The following DLG2 variants were observed in gnomAD, a reference collection of about 807,000 sequenced individuals.
DLG2 encodes the protein discs large MAGUK scaffold protein 2.
Under a neutral mutation model 132.5 loss-of-function variants are expected in DLG2, and 45 were observed. That is an observed-to-expected ratio of 0.34 (90% CI 0.27 to 0.44). DLG2 has a LOEUF of 0.44. Ranked by LOEUF, DLG2 falls within the 20% of genes least tolerant of loss-of-function variation. The pLI, the probability that DLG2 is intolerant of heterozygous loss-of-function variation, is 1.00. For missense variants in DLG2, 1,045 were observed against 1,196.9 expected, an observed-to-expected ratio of 0.87 and a Z score of 1.87; for synonymous variants, 424 against 419.6, an observed-to-expected ratio of 1.01 and a Z score of -0.13.
At chr11:84,696,787 G>C (rs1379451392) in intron 6 of DLG2, among the ~76,000 whole-genome samples, 1 of 151,396 alleles carries the variant, frequency 6.6e-6, no homozygotes, top group Non-Finnish European at 1.5e-5. Flanking sequence ...GAGAAAGAAT[G>C]TTAAGGAGCC....
chr11:83,661,829 A>C (rs140337240), intron 18 of DLG2, among the ~76,000 whole-genome samples: 1 of 152,266 alleles, frequency 6.6e-6, no homozygotes, highest in African/African-American at 2.4e-5. Flanking sequence ...GTGACCTCCT[A>C]TTGGGGGCAG....
chr11:83,863,590 G>T lies in DLG2; in HGVS notation c.1565+10830C>A, dbSNP rs946048577. On this transcript the variant is annotated intron_variant, in intron 16 of 27. Coordinates refer to ENST00000376104, the MANE Select transcript of DLG2 (RefSeq NM_001142699.3). ...GATATAGGAAGAGAGATCAGAGAGG[G>T]AACAAATCCCTACTTGTATCTACTG... 2.0e-5 allele frequency among the ~76,000 whole-genome samples: 3 copies of T among 152,028 alleles called. No individual in the cohort carries two copies. In the East Asian group the frequency reaches 5.8e-4, roughly 29 times the overall value.
Position 83,700,537 on chromosome 11 carries a change from A to G in DLG2, c.1826-67212T>C, listed in dbSNP as rs147116101. 1.4e-3 allele frequency among the ~76,000 whole-genome samples: 216 copies of G among 152,326 alleles called. 5 individuals are homozygous for G. The highest frequency in any genetic ancestry group is 4.8e-3 in the African/African-American group (199 of 41,576). On this transcript the variant is annotated intron_variant, in intron 18 of 27. Transcript: ENST00000376104. ...ACAAAATGTAGAGAATCAAAATCCA[A>G]CACATACCAGATCGATCCATGACTC...
At chr11:84,648,351 T>C (rs921753097) in intron 6 of DLG2, among the ~76,000 whole-genome samples, 1 of 152,336 alleles carries the variant, frequency 6.6e-6, no homozygotes. Flanking sequence ...GTTTGTATCA[T>C]AGTTAAATGG....
chr11:85,543,403 G>A (rs937169028), intron 3 of DLG2, among the ~76,000 whole-genome samples: 1 of 152,092 alleles, frequency 6.6e-6, no homozygotes, highest in African/African-American at 2.4e-5. Context: ...ACATTTGGGT[G>A]GGTTCCAAGT....
At chr11:83,684,293 C>T (rs551445638) in intron 18 of DLG2, among the ~76,000 whole-genome samples, 23 of 152,162 alleles carry the variant, frequency 1.5e-4, no homozygotes, top group African/African-American at 5.3e-4. Flanking sequence ...TCCTTGAGAG[C>T]CATCAGAAGT....
intron 3 of DLG2, among the ~76,000 whole-genome samples, chr11:85,313,391 A>G (rs1322851761): frequency 6.6e-6 from 1 of 152,054 alleles, no homozygotes; most frequent in African/African-American, 2.4e-5. Context: ...TATTGTGTAT[A>G]GCCACTGAGA....
At chr11:84,895,235 AT>A (rs201289603) in intron 6 of DLG2, among the ~76,000 whole-genome samples, 32 of 152,194 alleles carry the variant, frequency 2.1e-4, no homozygotes, top group African/African-American at 2.2e-4. Context: ...GTTGTAAAAA[AT>A]AAATAGAAGA....
At chr11:85,551,651 T>C (rs185394238) in intron 3 of DLG2, among the ~76,000 whole-genome samples, 108 of 152,168 alleles carry the variant, frequency 7.1e-4, no homozygotes, top group African/African-American at 2.5e-3. Context: ...TTAGCTGAAA[T>C]GGTATTGATG....
At chr11:83,667,778 G>A (rs2075910222) in intron 18 of DLG2, among the ~76,000 whole-genome samples, 1 of 151,910 alleles carries the variant, frequency 6.6e-6, no homozygotes, top group Non-Finnish European at 1.5e-5. Context: ...AGGAGATTGA[G>A]ACCATCCTAG....
intron 8 of DLG2, among the ~76,000 whole-genome samples, chr11:84,237,830 G>A (rs540135907): frequency 2.8e-4 from 42 of 152,050 alleles, no homozygotes; most frequent in African/African-American, 9.2e-4. Flanking sequence ...GAGGTCAAGC[G>A]TTCAAGACCA....
chr11:84,934,525 G>GTTTTTTTTTT (rs757894179), intron 6 of DLG2, among the ~76,000 whole-genome samples: 96 of 38,590 alleles, frequency 2.5e-3, no homozygotes, highest in Admixed American at 3.7e-3. Flanking sequence ...GTTTTGTTTT[G>GTTTTTTTTTT]TTTTTTTTTT....
intron 3 of DLG2, among the ~76,000 whole-genome samples, chr11:85,489,120 T>C (rs577901432): frequency 2.0e-5 from 3 of 152,090 alleles, no homozygotes; most frequent in Non-Finnish European, 2.9e-5. Context: ...ACTTAAGAGA[T>C]ACAGATTGGA....
At chr11:85,443,060 A>G (rs1156460514) in intron 3 of DLG2, among the ~76,000 whole-genome samples, 9 of 152,240 alleles carry the variant, frequency 5.9e-5, no homozygotes, top group South Asian at 2.1e-4. Context: ...AATGATTCCA[A>G]TAGAAAATAA....
chr11:84,502,988 G>A (rs1446730956), intron 7 of DLG2, among the ~76,000 whole-genome samples: 1 of 152,160 alleles, frequency 6.6e-6, no homozygotes, highest in Middle Eastern at 3.2e-3. Flanking sequence ...GAAAAATAGA[G>A]AACTAACAAA....
chr11:84,368,553 T>C (rs1462818294), intron 7 of DLG2, among the ~76,000 whole-genome samples: 1 of 152,124 alleles, frequency 6.6e-6, no homozygotes, highest in African/African-American at 2.4e-5. Flanking sequence ...TAAAGGAAGA[T>C]CACGTATTTG....
chr11:85,354,530 T>C (rs1000588689), intron 3 of DLG2, among the ~76,000 whole-genome samples: 10 of 152,144 alleles, frequency 6.6e-5, no homozygotes, highest in Non-Finnish European at 1.3e-4. Flanking sequence ...CTGGGTCTTA[T>C]CTCATGAAGG....
chr11:84,859,474 C>T (rs1253627019), intron 6 of DLG2, among the ~76,000 whole-genome samples: 1 of 143,340 alleles, frequency 7.0e-6, no homozygotes, highest in Non-Finnish European at 1.5e-5. Flanking sequence ...ATATATCCTC[C>T]TATTGGGTTG....
At chr11:85,411,750 G>A (rs772509090) in intron 3 of DLG2, among the ~76,000 whole-genome samples, 2 of 151,778 alleles carry the variant, frequency 1.3e-5, no homozygotes, top group Non-Finnish European at 2.9e-5. Flanking sequence ...AGTGATTTTA[G>A]CCTCATGGAA....
Sources: allele counts gnomAD v4.1 joint callset (sites outside exome capture counted in the v4.1 genomes callset), GRCh38; gene constraint gnomAD v4.1.1; transcripts MANE v1.5; gene names NCBI Gene and HGNC (gene_info 2026-07-23, HGNC 2026-07-21).